Variants in PDXK observed in about 807,000 individuals in gnomAD.
PDXK encodes epididymis secretory sperm binding protein Li 1a.
A neutral mutation model predicts 43.2 loss-of-function variants in PDXK; 15 were observed. The ratio of observed to expected loss-of-function variants is 0.35; its 90% CI spans 0.23 to 0.53. PDXK has a LOEUF of 0.53. Ranked by LOEUF, PDXK falls within the 20% of genes least tolerant of loss-of-function variation. The pLI, the probability that PDXK is intolerant of heterozygous loss-of-function variation, is 0.92. For synonymous variants in PDXK, 172 were observed against 165.4 expected, an observed-to-expected ratio of 1.04 and a Z score of -0.31; for missense variants, 343 against 417.0, an observed-to-expected ratio of 0.82 and a Z score of 1.54.
chr21:43,733,968 G>A (rs1364198547), intron 1 of PDXK, 101 bp from the exon 2 acceptor site: 8 of 1,193,628 alleles, frequency 6.7e-6, no homozygotes, highest in Middle Eastern at 1.9e-4. Context: ...CGTGCCAGCC[G>A]GGACTCATTT....
At chr21:43,729,601 T>G (rs1441328642) in intron 1 of PDXK, among the ~76,000 whole-genome samples, 1 of 151,960 alleles carries the variant, frequency 6.6e-6, no homozygotes, top group African/African-American at 2.4e-5. Flanking sequence ...GGGGTACGTC[T>G]GGAGGTGCGG....
chr21:43,756,333 A>C lies in PDXK; in HGVS notation c.*270A>C. The C allele has an allele frequency of 3.0e-6, 1 of 333,050 alleles. No homozygotes were observed. Among genetic ancestry groups the C allele is most frequent in the Non-Finnish European group, 5.7e-6 (1 of 174,816 alleles). 20.6% of individuals were successfully genotyped at this position (333,050 alleles called of 1,614,324 possible). ...CCGGGAAGACGGGCCCCTGTTTGCC[A>C]TCTCGGGGGTGTTCCCTGTGGGAGG... On this transcript the variant is annotated 3_prime_UTR_variant, in exon 11 of 11. Transcript: ENST00000291565.
intron 2 of PDXK, among the ~76,000 whole-genome samples, chr21:43,736,762 G>A (rs995147321): frequency 1.3e-5 from 2 of 150,990 alleles, no homozygotes; most frequent in East Asian, 3.9e-4. Flanking sequence ...CCTCTTAAGT[G>A]GCTGGGTCTA....
intron 3 of PDXK, among the ~76,000 whole-genome samples, chr21:43,742,086 G>A (rs1487973187): frequency 1.3e-5 from 2 of 152,154 alleles, no homozygotes; most frequent in Non-Finnish European, 2.9e-5. Context: ...ACAGGTGGGT[G>A]GGACACTCAA....
rs910562330 is a variant in PDXK, at chr21:43,735,812, T to C, written c.142+1689T>C. On this transcript the variant is annotated intron_variant, in intron 2 of 10. Coordinates refer to ENST00000291565, the MANE Select transcript of PDXK (RefSeq NM_003681.5). The surrounding 1 kb of genome is among the most constrained non-coding windows in gnomAD (Gnocchi z 5.3). ...GCTTCCCTAAGGCTGTCTCTGTGGCTCAGGGGCAACTCCCTAGGGCAGTGA... is the reference window on the plus strand; with the variant it reads ...GCTTCCCTAAGGCTGTCTCTGTGGCCCAGGGGCAACTCCCTAGGGCAGTGA... Among the ~76,000 whole-genome samples the C allele has an allele frequency of 6.6e-6, 1 of 152,186 alleles. No homozygotes were observed. The highest frequency in any genetic ancestry group is 1.5e-5 in the Non-Finnish European group (1 of 68,022).
chr21:43,750,748 T>C (rs568305163), intron 7 of PDXK, among the ~76,000 whole-genome samples: 13 of 149,682 alleles, frequency 8.7e-5, no homozygotes, highest in Admixed American at 7.3e-4. Context: ...TGTGTGTGTG[T>C]GCATGTGTGC....
Position 43,737,247 on chromosome 21 carries a change from G to T in PDXK, c.142+3124G>T, listed in dbSNP as rs73373294. 1 of 1,425,358 alleles carries T rather than the reference G, an allele frequency of 7.0e-7. No individual in the cohort carries two copies. Among genetic ancestry groups the T allele is most frequent in the African/African-American group, 1.4e-5 (1 of 69,558 alleles). The allele number at this position is 1,425,358 out of a possible 1,614,324, so 88.3% of individuals were successfully genotyped here. ...CTTCAGGCTGGGGGGTGGGAAAGCCGATCCCCCAAGTGCCTGCAGAGCCCA... is the reference window on the plus strand; with the variant it reads ...CTTCAGGCTGGGGGGTGGGAAAGCCTATCCCCCAAGTGCCTGCAGAGCCCA... On this transcript the variant is annotated intron_variant, in intron 2 of 10. Coordinates refer to ENST00000291565, the MANE Select transcript of PDXK (RefSeq NM_003681.5). This position sits in a 1 kb window ranked among gnomAD's most constrained non-coding sequence, Gnocchi z 4.8.
rs1439025154 is a variant in PDXK, at chr21:43,750,910, GCA to G, written c.510+366_510+367del. Among the ~76,000 whole-genome samples, 530 of 66,550 alleles carry G rather than the reference GCA, an allele frequency of 8.0e-3. 3 individuals are homozygous for G. The highest frequency in any genetic ancestry group is 0.025 in the African/African-American group (501 of 20,162). 43.7% of individuals were successfully genotyped at this position (66,550 alleles called of 152,430 possible). A position where few individuals can be genotyped will look rare whatever the true frequency, so the allele number is the denominator to read the frequency against. On this transcript the variant is annotated intron_variant, in intron 7 of 10. Coordinates refer to ENST00000291565, the MANE Select transcript of PDXK (RefSeq NM_003681.5). ...TGGGCGTGTGGGCATGGGTGTGCAC[GCA>G]TGTGTGCATGTGTGTGCGTATGTGT...
In PDXK at chr21:43,734,294, A is replaced by G. The variant is rs1601796175; in HGVS notation, c.142+171A>G. ...TCGGGCAGAGCCTGCACAGCATATCAGGGTGTAGGCCTGGGTGGCCTCGCC... is the reference window on the plus strand; with the variant it reads ...TCGGGCAGAGCCTGCACAGCATATCGGGGTGTAGGCCTGGGTGGCCTCGCC... On this transcript the variant is annotated intron_variant, in intron 2 of 10. Coordinates refer to ENST00000291565, the MANE Select transcript of PDXK (RefSeq NM_003681.5). The surrounding 1 kb of genome is among the most constrained non-coding windows in gnomAD (Gnocchi z 5.0). 2.7e-5 allele frequency among the ~76,000 whole-genome samples: 3 copies of G among 111,026 alleles called. No homozygotes were observed. The highest frequency in any genetic ancestry group is 3.4e-4 in the South Asian group (1 of 2,952). The allele number at this position is 111,026 out of a possible 152,430, so 72.8% of individuals were successfully genotyped here.
At position 43,754,127 on chromosome 21, in the gene PDXK, C is replaced by T. The variant is rs532281130; in HGVS notation, c.759+408C>T. On this transcript the variant is annotated intron_variant, in intron 9 of 10. Coordinates refer to ENST00000291565, the MANE Select transcript of PDXK (RefSeq NM_003681.5). The surrounding 1 kb of genome is among the most constrained non-coding windows in gnomAD (Gnocchi z 5.5). ...TGCAGCATTTCCCACAGTGTGACCA[C>T]GGCAGTGACCTGAGGGACGGAAAGG... 6.6e-5 allele frequency among the ~76,000 whole-genome samples: 10 copies of T among 152,308 alleles called. No individual in the cohort carries two copies. Among genetic ancestry groups the T allele is most frequent in the African/African-American group, 2.2e-4 (9 of 41,578 alleles).
intron 1 of PDXK, among the ~76,000 whole-genome samples, chr21:43,722,710 T>A (rs2083216732): frequency 6.6e-6 from 1 of 152,180 alleles, no homozygotes; most frequent in Non-Finnish European, 1.5e-5. Flanking sequence ...CTCCAGTCTC[T>A]GTCTCTGTCC....
At chr21:43,719,910 G>A in intron 1 of PDXK, 2 of 985,476 alleles carry the variant, frequency 2.0e-6, no homozygotes, top group Non-Finnish European at 2.4e-6. Flanking sequence ...GTGCCCACGA[G>A]GGTGGATTCC....
intron 2 of PDXK, among the ~76,000 whole-genome samples, chr21:43,740,275 GGCCCT>G (rs1315497432): frequency 2.0e-5 from 3 of 152,148 alleles, no homozygotes; most frequent in Non-Finnish European, 2.9e-5. Flanking sequence ...TACGCAGGAG[GGCCCT>G]CAGGGGCAGG....
intron 5 of PDXK, 106 bp from the exon 6 acceptor site, chr21:43,748,889 C>T: frequency 1.4e-6 from 1 of 704,192 alleles, no homozygotes; most frequent in Non-Finnish European, 2.5e-6. Context: ...GCCTGGACTT[C>T]AGGGGGCTTT....
chr21:43,729,078 C>T (rs2083284850), intron 1 of PDXK: 3 of 944,832 alleles, frequency 3.2e-6, no homozygotes, highest in Admixed American at 6.2e-5. Flanking sequence ...CGCACCCGCC[C>T]GCCCGCAATC....
At chr21:43,750,666 A>AC in intron 7 of PDXK, 121 bp downstream of exon 7, 1 of 702,756 alleles carries the variant, frequency 1.4e-6, no homozygotes, top group Non-Finnish European at 2.4e-6. Flanking sequence ...AACAGTCTGT[A>AC]CCAGTCGGGG....
At chr21:43,740,536 G>T (rs1214239922) in intron 2 of PDXK, among the ~76,000 whole-genome samples, 3 of 152,020 alleles carry the variant, frequency 2.0e-5, no homozygotes, top group African/African-American at 7.2e-5. Context: ...GGTATCCATG[G>T]TGGACCCCCA....
rs1076843 is a variant in PDXK, at chr21:43,750,017, T to G, written c.465-483T>G. On this transcript the variant is annotated intron_variant, in intron 6 of 10. Coordinates refer to ENST00000291565, the MANE Select transcript of PDXK (RefSeq NM_003681.5). The stretch of plus-strand genomic sequence containing the variant: ...CTCTACCTGGCCCTGAGCCAGGTCT[T>G]GAGCCCCCCCATTCACGCAGGGGTG... 2.0e-5 allele frequency among the ~76,000 whole-genome samples: 3 copies of G among 151,898 alleles called. No homozygotes were observed. In the East Asian group the frequency reaches 5.9e-4, roughly 30 times the overall value.
At chr21:43,748,571 A>G (rs2083677923) in intron 5 of PDXK, 1 of 164,638 alleles carries the variant, frequency 6.1e-6, no homozygotes, top group South Asian at 1.8e-4. Flanking sequence ...TGACTCAGCC[A>G]GGAAGAGCTG....
Sources: allele counts gnomAD v4.1 joint callset (sites outside exome capture counted in the v4.1 genomes callset), GRCh38; gene constraint gnomAD v4.1.1; non-coding constraint Gnocchi (gnomAD v3.1); transcripts MANE v1.5; gene names NCBI Gene and HGNC (gene_info 2026-07-23, HGNC 2026-07-21).